Variants in PDE4B observed in about 807,000 individuals in gnomAD.
The protein encoded by PDE4B is 3',5'-cyclic-AMP phosphodiesterase 4B.
PDE4B carries 20 observed loss-of-function variants against 82.2 expected under a neutral mutation model. The observed-to-expected ratio is 0.24, with a 90% CI of 0.17 to 0.35. PDE4B has a LOEUF of 0.35. PDE4B is among the 10% of genes least tolerant of loss of function. The pLI is 1.00. For synonymous variants in PDE4B, 320 were observed against 318.9 expected, an observed-to-expected ratio of 1.00 and a Z score of -0.04; for missense variants, 655 against 907.2, an observed-to-expected ratio of 0.72 and a Z score of 3.57.
At chr1:66,009,911 A>ATCTG (rs1553132012) in intron 3 of PDE4B, among the ~76,000 whole-genome samples, 24,838 of 139,764 alleles carry the variant, frequency 0.18, 2,267 homozygotes, top group Middle Eastern at 0.23. Flanking sequence ...ATCTTTATCT[A>ATCTG]TCTATCTATC....
intron 3 of PDE4B, among the ~76,000 whole-genome samples, chr1:66,041,823 C>CACAT (rs113045188): frequency 0.15 from 15,082 of 99,798 alleles, 817 homozygotes; most frequent in South Asian, 0.29. Context: ...CACACACACA[C>CACAT]ACACATACAC....
chr1:66,138,018 A>C (rs1443170894), intron 3 of PDE4B, among the ~76,000 whole-genome samples: 175 of 152,340 alleles, frequency 1.1e-3, no homozygotes, highest in African/African-American at 4.0e-3. Context: ...TAGAGAAAGA[A>C]ACTGAAGTCC....
intron 7 of PDE4B, among the ~76,000 whole-genome samples, chr1:66,315,481 A>G (rs1321068554): frequency 1.3e-5 from 2 of 151,986 alleles, no homozygotes; most frequent in African/African-American, 4.8e-5. Flanking sequence ...ACCCAGGCTG[A>G]GTCTCACTCT....
At chr1:65,971,313 T>C (rs1650126591) in intron 3 of PDE4B, among the ~76,000 whole-genome samples, 1 of 152,164 alleles carries the variant, frequency 6.6e-6, no homozygotes, top group African/African-American at 2.4e-5. Context: ...AATAACTTGA[T>C]TGCTTTTTCT....
chr1:65,998,803 T>C (rs1651697249), intron 3 of PDE4B, among the ~76,000 whole-genome samples: 1 of 151,918 alleles, frequency 6.6e-6, no homozygotes, highest in African/African-American at 2.4e-5. Flanking sequence ...GAAAACCCTA[T>C]TAGCTCAGTC....
chr1:65,855,484 T>A (rs1382776244), intron 1 of PDE4B, among the ~76,000 whole-genome samples: 1 of 152,158 alleles, frequency 6.6e-6, no homozygotes, highest in Non-Finnish European at 1.5e-5. Flanking sequence ...AACTTCTAGA[T>A]CTTTACTGAT....
At chr1:66,028,541 G>A (rs1350263841) in intron 3 of PDE4B, among the ~76,000 whole-genome samples, 1 of 152,094 alleles carries the variant, frequency 6.6e-6, no homozygotes, top group Non-Finnish European at 1.5e-5. Flanking sequence ...CCAGAAAATG[G>A]GTTTTTCTTT....
chr1:66,264,998 T>C (rs2101727306), intron 6 of PDE4B, among the ~76,000 whole-genome samples: 1 of 152,356 alleles, frequency 6.6e-6, no homozygotes, highest in East Asian at 1.9e-4. Context: ...ACCACTGGAC[T>C]AGAGTCTCAC....
chr1:66,083,381 G>A (rs1361380699), intron 3 of PDE4B, among the ~76,000 whole-genome samples: 1 of 151,882 alleles, frequency 6.6e-6, no homozygotes. Flanking sequence ...TGCATGCCAG[G>A]GACACTCAAT....
chr1:65,912,878 A>T (rs1418562609), intron 1 of PDE4B, among the ~76,000 whole-genome samples: 4 of 152,204 alleles, frequency 2.6e-5, no homozygotes, highest in African/African-American at 9.6e-5. Context: ...GATGAAAATA[A>T]TCTAACAAAC....
intron 3 of PDE4B, among the ~76,000 whole-genome samples, chr1:65,968,067 G>A (rs1569846689): frequency 6.6e-6 from 1 of 152,060 alleles, no homozygotes; most frequent in East Asian, 1.9e-4. Context: ...AAATGTGCTT[G>A]TCTGGAGGTC....
At chr1:66,282,433 C>T (rs1410994158) in intron 7 of PDE4B, among the ~76,000 whole-genome samples, 2 of 152,168 alleles carry the variant, frequency 1.3e-5, no homozygotes, top group South Asian at 2.1e-4. Flanking sequence ...AAAGACACCC[C>T]CAGCCTCTGA....
chr1:66,186,155 G>A (rs145276288), intron 3 of PDE4B, among the ~76,000 whole-genome samples: 8 of 152,088 alleles, frequency 5.3e-5, no homozygotes, highest in Non-Finnish European at 1.2e-4. Context: ...TAGATATGCG[G>A]CATTATTTCT....
At chr1:66,272,884 G>A (rs190136337) in intron 7 of PDE4B, among the ~76,000 whole-genome samples, 5 of 134,552 alleles carry the variant, frequency 3.7e-5, no homozygotes, top group African/African-American at 1.4e-4. Context: ...TCAGCCTCCC[G>A]GGTTCAAGCG....
At chr1:65,905,699 G>C (rs922085528) in intron 1 of PDE4B, among the ~76,000 whole-genome samples, 1 of 152,122 alleles carries the variant, frequency 6.6e-6, no homozygotes, top group Admixed American at 6.6e-5. Flanking sequence ...GAAAAGGACA[G>C]TAGCCTCCTC....
chr1:65,951,469 T>G (rs1485190624), intron 3 of PDE4B, among the ~76,000 whole-genome samples: 3 of 152,026 alleles, frequency 2.0e-5, no homozygotes, highest in African/African-American at 7.2e-5. Context: ...TTTGATCCAG[T>G]AAAAAAAGTG....
At chr1:65,975,636 T>C (rs1650365027) in intron 3 of PDE4B, among the ~76,000 whole-genome samples, 1 of 152,166 alleles carries the variant, frequency 6.6e-6, no homozygotes, top group African/African-American at 2.4e-5. Flanking sequence ...AAAATGGTTT[T>C]GTGGACCTGG....
chr1:66,008,577 A>G (rs1382135522), intron 3 of PDE4B, among the ~76,000 whole-genome samples: 1 of 151,998 alleles, frequency 6.6e-6, no homozygotes, highest in Non-Finnish European at 1.5e-5. Flanking sequence ...GCCCTCTTTG[A>G]CCCGAGGCAC....
intron 1 of PDE4B, among the ~76,000 whole-genome samples, chr1:65,819,989 G>A (rs936569472): frequency 1.1e-4 from 16 of 152,170 alleles, no homozygotes; most frequent in Admixed American, 1.0e-3. Flanking sequence ...TAGACAAAAA[G>A]ACTACGATTT....
Sources: allele counts gnomAD v4.1 joint callset (sites outside exome capture counted in the v4.1 genomes callset), GRCh38; gene constraint gnomAD v4.1.1; transcripts MANE v1.5; gene names NCBI Gene and HGNC (gene_info 2026-07-23, HGNC 2026-07-21).